Variants in SHROOM3 observed in about 807,000 individuals in gnomAD.
The protein encoded by SHROOM3 is protein Shroom3.
In SHROOM3, 47 loss-of-function variants were observed where a neutral mutation model predicts 138.6. The ratio of observed to expected loss-of-function variants is 0.34; its 90% CI spans 0.27 to 0.43. The LOEUF (loss-of-function observed/expected upper bound fraction) is 0.43. SHROOM3 is among the 20% of genes least tolerant of loss of function. SHROOM3 has a pLI of 1.00. For synonymous variants in SHROOM3, 1,062 were observed against 1,063.3 expected (o/e 1.00, Z 0.02); for missense variants, 2,491 against 2,596.5 (o/e 0.96, Z 0.88).
chr4:76,477,648 C>T (rs898321683), intron 1 of SHROOM3, among the ~76,000 whole-genome samples: 8 of 152,064 alleles, frequency 5.3e-5, no homozygotes, highest in African/African-American at 1.9e-4. Flanking sequence ...ATATCAAGAA[C>T]ATGTTAAAGA....
intron 1 of SHROOM3, among the ~76,000 whole-genome samples, chr4:76,500,098 T>C (rs1732058772): frequency 6.6e-6 from 1 of 152,176 alleles, no homozygotes; most frequent in South Asian, 2.1e-4. Context: ...TCATCTGACT[T>C]CAGAGTCCAT....
intron 6 of SHROOM3, among the ~76,000 whole-genome samples, chr4:76,750,511 T>TGAGGGTG (rs1469938072): frequency 6.6e-6 from 1 of 152,036 alleles, no homozygotes; most frequent in Non-Finnish European, 1.5e-5. Flanking sequence ...GGTGCCTATT[T>TGAGGGTG]GAGGGTGGAG....
At chr4:76,774,709 G>A (rs7668676) in intron 10 of SHROOM3, among the ~76,000 whole-genome samples, 1 of 139,094 alleles carries the variant, frequency 7.2e-6, no homozygotes, top group South Asian at 2.2e-4. Flanking sequence ...GTTTTTTGGG[G>A]TTTTTTTTTT....
chr4:76,626,845 T>C (rs1383971014), intron 2 of SHROOM3, among the ~76,000 whole-genome samples: 1 of 152,244 alleles, frequency 6.6e-6, no homozygotes, highest in Admixed American at 6.5e-5. Context: ...CACTATTGTT[T>C]TCTCAGGCAT....
In SHROOM3 at chr4:76,770,692, A is replaced by G; in HGVS notation, c.5416A>G (p.Thr1806Ala). The change falls in exon 10 of 11, where the codon ACG becomes GCG. Residue 1806 changes from threonine to alanine, a missense_variant. Coordinates refer to ENST00000296043, the MANE Select transcript of SHROOM3 (RefSeq NM_020859.4). ...CCAGGAGGCGAAGGGGAGCCTGCTCACGGACATCAAGCTCAACAACGCCCT... is the reference window on the plus strand; with the variant it reads ...CCAGGAGGCGAAGGGGAGCCTGCTCGCGGACATCAAGCTCAACAACGCCCT... ...TLQEAKGSLL[T>A]DIKLNNALGE... The G allele has an allele frequency of 6.2e-7, 1 of 1,614,204 alleles. No individual in the cohort carries two copies. The highest frequency in any genetic ancestry group is 8.5e-7 in the Non-Finnish European group (1 of 1,180,042).
chr4:76,706,181 C>G (rs1237038694), intron 2 of SHROOM3, among the ~76,000 whole-genome samples: 2 of 152,014 alleles, frequency 1.3e-5, no homozygotes, highest in African/African-American at 4.8e-5. Flanking sequence ...GAGTGCAGAG[C>G]TCAGCTCACT....
chr4:76,725,593 C>G (rs1343125721), intron 3 of SHROOM3, among the ~76,000 whole-genome samples: 1 of 152,130 alleles, frequency 6.6e-6, no homozygotes, highest in Non-Finnish European at 1.5e-5. Context: ...TCCTCATGTA[C>G]CACATCCCTG....
intron 2 of SHROOM3, among the ~76,000 whole-genome samples, chr4:76,706,261 T>C (rs1399679140): frequency 6.6e-6 from 1 of 152,036 alleles, no homozygotes; most frequent in African/African-American, 2.4e-5. Flanking sequence ...ATTACAGGCA[T>C]GTACCACCAC....
At chr4:76,635,243 C>T (rs1206521687) in intron 2 of SHROOM3, among the ~76,000 whole-genome samples, 1 of 152,164 alleles carries the variant, frequency 6.6e-6, no homozygotes, top group African/African-American at 2.4e-5. Context: ...ATCCATACGG[C>T]CATTACATAG....
intron 1 of SHROOM3, among the ~76,000 whole-genome samples, chr4:76,521,305 T>G (rs1326862973): frequency 6.6e-6 from 1 of 152,152 alleles, no homozygotes; most frequent in Non-Finnish European, 1.5e-5. Context: ...CGCACATATG[T>G]GTGTGTGTGC....
intron 1 of SHROOM3, among the ~76,000 whole-genome samples, chr4:76,463,045 T>TGGAAC (rs1325675855): frequency 6.6e-6 from 1 of 152,164 alleles, no homozygotes; most frequent in African/African-American, 2.4e-5. Context: ...GGGCATAGGA[T>TGGAAC]GGAACAGTTT....
chr4:76,618,140 T>C (rs910062310), intron 2 of SHROOM3, among the ~76,000 whole-genome samples: 2 of 152,070 alleles, frequency 1.3e-5, no homozygotes, highest in African/African-American at 2.4e-5. Context: ...TATCTAAAAA[T>C]GAAAATTAAA....
In SHROOM3 at chr4:76,745,948, T is replaced by C. The variant is rs541353268; in HGVS notation, c.3754-3069T>C. On this transcript the variant is annotated intron_variant, in intron 5 of 10. Transcript: ENST00000296043. ...GTGAGCTGAGATAGCGCCACTTCCC[T>C]CCAGCCTGGGCAACAGAGCAAGACT... is the stretch of plus-strand genomic sequence containing the variant. Among the ~76,000 whole-genome samples the C allele has an allele frequency of 2.0e-5, 3 of 152,268 alleles. No homozygotes were observed. In the East Asian group the frequency reaches 5.8e-4, roughly 29 times the overall value.
At chr4:76,555,390 G>T (rs1178306681) in intron 1 of SHROOM3, among the ~76,000 whole-genome samples, 1 of 152,126 alleles carries the variant, frequency 6.6e-6, no homozygotes, top group South Asian at 2.1e-4. Context: ...GTTTAAGGGC[G>T]CCCTCCCTGG....
chr4:76,573,965 T>G (rs1023433763), intron 2 of SHROOM3, among the ~76,000 whole-genome samples: 19 of 152,282 alleles, frequency 1.2e-4, no homozygotes, highest in African/African-American at 4.3e-4. Flanking sequence ...CCAGACCTAC[T>G]CCAGTGACCT....
chr4:76,504,408 C>T (rs1221424855), intron 1 of SHROOM3, among the ~76,000 whole-genome samples: 1 of 152,230 alleles, frequency 6.6e-6, no homozygotes, highest in Non-Finnish European at 1.5e-5. Context: ...ATCCACCTGC[C>T]TCGGCCTCCC....
chr4:76,608,579 G>GGA (rs1311745897), intron 2 of SHROOM3, among the ~76,000 whole-genome samples: 11 of 150,454 alleles, frequency 7.3e-5, no homozygotes, highest in African/African-American at 2.5e-4. Context: ...GCATAGCATA[G>GGA]CATAGCATAG....
At chr4:76,683,360 T>A (rs1719251505) in intron 2 of SHROOM3, among the ~76,000 whole-genome samples, 1 of 152,202 alleles carries the variant, frequency 6.6e-6, no homozygotes, top group South Asian at 2.1e-4. Flanking sequence ...TCCTTGGTCA[T>A]GTAATGTTTG....
chr4:76,718,129 T>C (rs1403067752), intron 3 of SHROOM3, among the ~76,000 whole-genome samples: 1 of 152,188 alleles, frequency 6.6e-6, no homozygotes. Flanking sequence ...TATTACACCA[T>C]GTAAAAGATA....
Sources: gnomAD v4.1 joint callset for allele counts (sites outside exome capture counted in the v4.1 genomes callset) on GRCh38, gnomAD v4.1.1 for gene constraint, MANE v1.5 for transcripts, NCBI Gene and HGNC (gene_info 2026-07-23, HGNC 2026-07-21) for gene names.